The following FRMD4B variants were observed in gnomAD, a reference collection of about 807,000 sequenced individuals.
FRMD4B encodes the protein FERM domain-containing protein 4B.
In FRMD4B, 74 loss-of-function variants were observed where a neutral mutation model predicts 141.5. That is an observed-to-expected ratio of 0.52 (90% CI 0.43 to 0.63). The LOEUF (loss-of-function observed/expected upper bound fraction) is 0.63. Ranked by LOEUF, FRMD4B falls within the 30% of genes least tolerant of loss-of-function variation. FRMD4B has a pLI of 0.00. For synonymous variants in FRMD4B, 506 were observed against 467.9 expected (o/e 1.08, Z -1.05); for missense variants, 1,366 against 1,253.4 (o/e 1.09, Z -1.36).
intron 1 of FRMD4B, among the ~76,000 whole-genome samples, chr3:69,503,231 C>T (rs1179572097): frequency 6.6e-6 from 1 of 152,086 alleles, no homozygotes; most frequent in South Asian, 2.1e-4. Flanking sequence ...AAGACATATG[C>T]ACACCTATGT....
intron 7 of FRMD4B, among the ~76,000 whole-genome samples, chr3:69,241,661 C>A (rs916720727): frequency 6.6e-6 from 1 of 152,242 alleles, no homozygotes; most frequent in East Asian, 1.9e-4. Context: ...TCTTGGGAAG[C>A]CGAGGCTGAC....
intron 7 of FRMD4B, among the ~76,000 whole-genome samples, chr3:69,225,643 C>T (rs1159194396): frequency 4.9e-5 from 6 of 122,466 alleles, no homozygotes; most frequent in Non-Finnish European, 9.5e-5. Context: ...TGCAGTGAGC[C>T]GAGATCACGC....
chr3:69,304,906 T>A (rs969004239), intron 3 of FRMD4B, among the ~76,000 whole-genome samples: 1 of 151,902 alleles, frequency 6.6e-6, no homozygotes, highest in Non-Finnish European at 1.5e-5. Flanking sequence ...AAAAACAAAA[T>A]CAGAAAATTC....
intron 5 of FRMD4B, among the ~76,000 whole-genome samples, chr3:69,287,087 G>C (rs1461777917): frequency 6.6e-6 from 1 of 152,236 alleles, no homozygotes; most frequent in Non-Finnish European, 1.5e-5. Flanking sequence ...ACAAGCATGA[G>C]CTGCCATGCT....
At chr3:69,291,732 G>C (rs1238693428) in intron 4 of FRMD4B, among the ~76,000 whole-genome samples, 1 of 152,070 alleles carries the variant, frequency 6.6e-6, no homozygotes, top group Non-Finnish European at 1.5e-5. Context: ...CTTGGTTTCT[G>C]CTCCCTAGAT....
chr3:69,506,202 G>A (rs2107081688), intron 1 of FRMD4B, among the ~76,000 whole-genome samples: 1 of 152,260 alleles, frequency 6.6e-6, no homozygotes, highest in Non-Finnish European at 1.5e-5. Context: ...GGTGCTGATG[G>A]ATTGGCCCTG....
intron 11 of FRMD4B, among the ~76,000 whole-genome samples, chr3:69,212,367 A>G (rs2093091315): frequency 4.4e-5 from 3 of 67,684 alleles, no homozygotes; most frequent in Admixed American, 1.8e-4. Context: ...CTCAAAAAAA[A>G]AAAAAAAAAA....
chr3:69,334,844 G>T (rs1702490677), intron 1 of FRMD4B, among the ~76,000 whole-genome samples: 1 of 152,206 alleles, frequency 6.6e-6, no homozygotes, highest in African/African-American at 2.4e-5. Context: ...ACAAGCCAGA[G>T]AGTCAAGTGC....
intron 1 of FRMD4B, among the ~76,000 whole-genome samples, chr3:69,488,540 T>TAATAA (rs1706253714): frequency 6.6e-6 from 1 of 152,044 alleles, no homozygotes; most frequent in South Asian, 2.1e-4. Flanking sequence ...ACATGAAAAA[T>TAATAA]AATAAAATGG....
At chr3:69,228,348 G>A (rs1352188544) in intron 7 of FRMD4B, 1 of 456,834 alleles carries the variant, frequency 2.2e-6, no homozygotes. Flanking sequence ...AAATATCTTG[G>A]GGCCAAGTGA....
chr3:69,376,595 G>A (rs1390094257), intron 1 of FRMD4B, among the ~76,000 whole-genome samples: 2 of 135,344 alleles, frequency 1.5e-5, no homozygotes, highest in Non-Finnish European at 3.2e-5. Context: ...AAGGACATTA[G>A]GGGAAAATGG....
chr3:69,422,427 G>C (rs530527459), intron 2 of FRMD4B, among the ~76,000 whole-genome samples: 84 of 151,428 alleles, frequency 5.5e-4, no homozygotes, highest in Admixed American at 9.9e-4. Flanking sequence ...GCAGGGAAGA[G>C]AGAAACCCTA....
At chr3:69,226,411 G>A (rs1487627137) in intron 7 of FRMD4B, among the ~76,000 whole-genome samples, 1 of 135,416 alleles carries the variant, frequency 7.4e-6, no homozygotes, top group African/African-American at 2.7e-5. Flanking sequence ...GTTCTGTCTG[G>A]CATACCACAT....
chr3:69,383,082 G>A (rs990742007), intron 1 of FRMD4B, among the ~76,000 whole-genome samples: 22 of 17,290 alleles, frequency 1.3e-3, no homozygotes, highest in Admixed American at 6.1e-3. Flanking sequence ...AATATCTCAC[G>A]TCAATTAATT....
intron 2 of FRMD4B, among the ~76,000 whole-genome samples, chr3:69,431,937 G>A (rs1356726035): frequency 1.3e-5 from 2 of 152,180 alleles, no homozygotes; most frequent in Non-Finnish European, 2.9e-5. Flanking sequence ...GAACTTCTGA[G>A]AGCATCTCAT....
At chr3:69,347,916 A>C (rs1196137860) in intron 1 of FRMD4B, among the ~76,000 whole-genome samples, 4 of 152,230 alleles carry the variant, frequency 2.6e-5, no homozygotes, top group African/African-American at 9.6e-5. Flanking sequence ...CATCACAATT[A>C]AAAGAACTAG....
At chr3:69,250,791 A>G (rs1312651146) in intron 5 of FRMD4B, among the ~76,000 whole-genome samples, 1 of 150,902 alleles carries the variant, frequency 6.6e-6, no homozygotes, top group African/African-American at 2.4e-5. Flanking sequence ...GCCTTGGTAA[A>G]GAATGCTTTT....
At chr3:69,455,311 C>G (rs753634776) in intron 1 of FRMD4B, among the ~76,000 whole-genome samples, 2 of 152,200 alleles carry the variant, frequency 1.3e-5, no homozygotes, top group Non-Finnish European at 2.9e-5. Context: ...GAGGTTTGTT[C>G]TTTCACTCTT....
chr3:69,361,108 C>T (rs73107424), intron 1 of FRMD4B, among the ~76,000 whole-genome samples: 31,847 of 152,082 alleles, frequency 0.21, 4,174 homozygotes, highest in Middle Eastern at 0.36. Context: ...TCATTATGAA[C>T]ATATGCATTT....
Sources: allele counts gnomAD v4.1 joint callset (sites outside exome capture counted in the v4.1 genomes callset), GRCh38; gene constraint gnomAD v4.1.1; transcripts MANE v1.5; gene names NCBI Gene and HGNC (gene_info 2026-07-23, HGNC 2026-07-21).